The following KDM3B variants were observed in gnomAD, a reference collection of about 807,000 sequenced individuals.
KDM3B encodes lysine-specific demethylase 3B.
In KDM3B, 10 loss-of-function variants were observed where a neutral mutation model predicts 170.0. The observed-to-expected ratio is 0.06, with a 90% CI of 0.04 to 0.10. KDM3B has a LOEUF of 0.10. KDM3B is among the 10% of genes least tolerant of loss of function. The pLI is 1.00. For missense variants in KDM3B, 1,394 were observed against 2,195.2 expected, an observed-to-expected ratio of 0.64 and a Z score of 7.29; for synonymous variants, 831 against 834.8, an observed-to-expected ratio of 1.00 and a Z score of 0.08.
At chr5:138,385,682 A>G (rs1332937156) in intron 6 of KDM3B, among the ~76,000 whole-genome samples, 2 of 152,252 alleles carry the variant, frequency 1.3e-5, no homozygotes, top group African/African-American at 4.8e-5. Context: ...TCAAGGGGTA[A>G]ATGAGCTCCC....
At position 138,435,787 on chromosome 5, in the gene KDM3B, G is replaced by A; in HGVS notation, c.*87G>A. 7.7e-6 allele frequency: 8 copies of A among 1,044,846 alleles called. No individual in the cohort carries two copies. In the South Asian group the frequency reaches 9.5e-5, roughly 12 times the overall value. The allele number at this position is 1,044,846 out of a possible 1,614,324, so 64.7% of individuals were successfully genotyped here. ...AACGGCAGGGCTCTTTGCTGGAGCA[G>A]AGGCCCTTCACCCAGAGCCAGTGTG... On this transcript the variant is annotated 3_prime_UTR_variant, in exon 24 of 24. Coordinates refer to ENST00000314358, the MANE Select transcript of KDM3B (RefSeq NM_016604.4).
intron 23 of KDM3B, 39 bp downstream of exon 23, chr5:138,431,598 T>C: frequency 6.5e-7 from 1 of 1,546,438 alleles, no homozygotes; most frequent in Non-Finnish European, 8.7e-7. Context: ...TGTCTTCTCA[T>C]TGCATACTCA....
intron 8 of KDM3B, 40 bp from the exon 9 acceptor site, chr5:138,393,131 C>T (rs765808107): frequency 6.3e-7 from 1 of 1,584,248 alleles, no homozygotes; most frequent in Non-Finnish European, 8.7e-7. Context: ...TTCCTGTTTA[C>T]ACCTCATGAC....
At chr5:138,416,603 A>T (rs1763111402) in intron 12 of KDM3B, among the ~76,000 whole-genome samples, 1 of 151,422 alleles carries the variant, frequency 6.6e-6, no homozygotes, top group Non-Finnish European at 1.5e-5. Flanking sequence ...AAAAAAAAAA[A>T]AAAAAAACAT....
At chr5:138,421,532 G>A (rs1763273576) in intron 15 of KDM3B, among the ~76,000 whole-genome samples, 1 of 152,118 alleles carries the variant, frequency 6.6e-6, no homozygotes, top group South Asian at 2.1e-4. Context: ...CATCAGCTCT[G>A]TTGCTTCCTC....
intron 1 of KDM3B, among the ~76,000 whole-genome samples, chr5:138,359,488 T>TA (rs1761544774): frequency 7.9e-6 from 1 of 125,930 alleles, no homozygotes; most frequent in Non-Finnish European, 1.8e-5. Flanking sequence ...TTTTTTTTTT[T>TA]AAGAGATTGG....
rs1580961488 is a variant in KDM3B at position 138,430,138 on chromosome 5, G to T, written c.4894-111G>T. 7 of 1,382,058 alleles carry T rather than the reference G, an allele frequency of 5.1e-6. No individual in the cohort carries two copies. In the East Asian group the frequency reaches 1.7e-4, roughly 34 times the overall value. 85.6% of individuals were successfully genotyped at this position (1,382,058 alleles called of 1,614,324 possible). A position where few individuals can be genotyped will look rare whatever the true frequency, so the allele number is the denominator to read the frequency against. On this transcript the variant is annotated intron_variant, in intron 21 of 23. Coordinates refer to ENST00000314358, the MANE Select transcript of KDM3B (RefSeq NM_016604.4). ...ATCCACACCTAGAGGATGTTGACTA[G>T]AATAAAGTTTTGCCATCCCCACCCC...
At chr5:138,389,945 C>A (rs1325200910) in intron 7 of KDM3B, among the ~76,000 whole-genome samples, 1 of 151,966 alleles carries the variant, frequency 6.6e-6, no homozygotes, top group Admixed American at 6.6e-5. Flanking sequence ...CTGCAACCTC[C>A]GCCTCCTGGG....
chr5:138,385,458 C>G (rs1413371309), intron 6 of KDM3B, among the ~76,000 whole-genome samples: 1 of 152,204 alleles, frequency 6.6e-6, no homozygotes, highest in Non-Finnish European at 1.5e-5. Flanking sequence ...GTCTCAATCT[C>G]CTGACCTTGT....
chr5:138,432,445 G>A (rs1763558352), intron 23 of KDM3B, among the ~76,000 whole-genome samples: 2 of 152,168 alleles, frequency 1.3e-5, no homozygotes, highest in South Asian at 2.1e-4. Context: ...CTGGGCGGGT[G>A]GATCATGAGG....
At chr5:138,360,253 C>CGA (rs1186685034) in intron 1 of KDM3B, among the ~76,000 whole-genome samples, 1 of 152,166 alleles carries the variant, frequency 6.6e-6, no homozygotes, top group Non-Finnish European at 1.5e-5. Context: ...AGTTGAAACT[C>CGA]TGAGTGATAC....
chr5:138,384,211 A>G (rs1762197336), intron 6 of KDM3B, among the ~76,000 whole-genome samples: 1 of 150,950 alleles, frequency 6.6e-6, no homozygotes, highest in African/African-American at 2.4e-5. Context: ...GTGCCACTGC[A>G]CTCCAGCCTG....
intron 15 of KDM3B, among the ~76,000 whole-genome samples, chr5:138,421,621 C>T (rs1016741312): frequency 2.0e-5 from 3 of 152,140 alleles, no homozygotes; most frequent in Admixed American, 1.3e-4. Flanking sequence ...TTACAGTCTA[C>T]AGTGTATTTT....
intron 11 of KDM3B, among the ~76,000 whole-genome samples, chr5:138,411,822 C>T (rs1316132603): frequency 6.6e-6 from 1 of 150,832 alleles, no homozygotes; most frequent in East Asian, 2.0e-4. Context: ...GCTTCAGCCT[C>T]CCGAGCAGCC....
At chr5:138,381,451 A>G in intron 5 of KDM3B, 65 bp from the exon 6 acceptor site, 1 of 1,011,170 alleles carries the variant, frequency 9.9e-7, no homozygotes, top group Non-Finnish European at 1.6e-6. Context: ...TACATTGATT[A>G]GGAAATTATA....
chr5:138,360,278 T>C (rs1294239618), intron 1 of KDM3B, among the ~76,000 whole-genome samples: 3 of 152,240 alleles, frequency 2.0e-5, no homozygotes, highest in Non-Finnish European at 4.4e-5. Flanking sequence ...ATACTTATGC[T>C]CTATTTATTA....
In KDM3B at chr5:138,372,581, AGTT is replaced by A. The variant is rs1358540126; in HGVS notation, c.193-89_193-87del. On this transcript the variant is annotated intron_variant, in intron 1 of 23. Transcript: ENST00000314358. ...ACACAAGTTAGAATTATTCCTAGTC[AGTT>A]GTTCAAAACAGTGGGGTTTATGTTC... 4.9e-6 allele frequency: 5 copies of A among 1,018,226 alleles called. No homozygotes were observed. The African/African-American group carries it at 6.4e-5, about 13-fold the overall frequency. 63.1% of individuals were successfully genotyped at this position (1,018,226 alleles called of 1,614,324 possible).
chr5:138,358,704 C>G (rs1037580554), intron 1 of KDM3B, among the ~76,000 whole-genome samples: 1 of 152,000 alleles, frequency 6.6e-6, no homozygotes, highest in Admixed American at 6.5e-5. Flanking sequence ...AGTTGGTCCT[C>G]CTGCCTCAGC....
At chr5:138,388,047 C>G (rs539035066) in intron 7 of KDM3B, among the ~76,000 whole-genome samples, 7 of 152,128 alleles carry the variant, frequency 4.6e-5, no homozygotes, top group South Asian at 2.1e-4. Flanking sequence ...TGCCACTGCA[C>G]TCCAGCCTGG....
Sources: allele counts gnomAD v4.1 joint callset (sites outside exome capture counted in the v4.1 genomes callset), GRCh38; gene constraint gnomAD v4.1.1; transcripts MANE v1.5; gene names NCBI Gene and HGNC (gene_info 2026-07-23, HGNC 2026-07-21).